The following NRG3 variants were observed in gnomAD, a reference collection of about 807,000 sequenced individuals.
The protein encoded by NRG3 is pro-neuregulin-3, membrane-bound isoform.
A neutral mutation model predicts 66.9 loss-of-function variants in NRG3; 31 were observed. The ratio of observed to expected loss-of-function variants is 0.46; its 90% CI spans 0.35 to 0.63. The LOEUF is 0.63. Ranked by LOEUF, NRG3 falls within the 20% of genes least tolerant of loss-of-function variation. The probability of loss-of-function intolerance (pLI) is 0.00; values close to 1 mark genes in which losing one functional copy is unlikely to be tolerated. For synonymous variants in NRG3, 393 were observed against 359.4 expected (o/e 1.09, Z -1.06); for missense variants, 910 against 878.9 (o/e 1.04, Z -0.45).
At chr10:82,746,291 T>A (rs2058641648) in intron 3 of NRG3, among the ~76,000 whole-genome samples, 2 of 152,184 alleles carry the variant, frequency 1.3e-5, no homozygotes, top group Non-Finnish European at 2.9e-5. Flanking sequence ...TGGGTCTGTC[T>A]GCCCAGCTTG....
At chr10:82,374,453 G>A (rs2085082816) in intron 2 of NRG3, among the ~76,000 whole-genome samples, 1 of 152,172 alleles carries the variant, frequency 6.6e-6, no homozygotes, top group African/African-American at 2.4e-5. Flanking sequence ...TATAAATATA[G>A]ATTCTCAAGA....
chr10:82,408,633 T>TTA (rs147352245), intron 2 of NRG3, among the ~76,000 whole-genome samples: 1,929 of 122,794 alleles, frequency 0.016, 14 homozygotes, highest in Non-Finnish European at 0.019. Flanking sequence ...CATATATATA[T>TTA]TATATATATA....
intron 2 of NRG3, among the ~76,000 whole-genome samples, chr10:82,517,695 G>T (rs1384048762): frequency 1.4e-5 from 2 of 144,484 alleles, no homozygotes. Flanking sequence ...GTGTGTGTGT[G>T]TCTGTATGTT....
chr10:82,407,170 C>T (rs1380042764), intron 2 of NRG3, among the ~76,000 whole-genome samples: 1 of 150,516 alleles, frequency 6.6e-6, no homozygotes, highest in Non-Finnish European at 1.5e-5. Flanking sequence ...GGAGAGCAGA[C>T]CTAATAGAGA....
At chr10:82,616,308 A>C (rs759128683) in intron 2 of NRG3, among the ~76,000 whole-genome samples, 58 of 152,194 alleles carry the variant, frequency 3.8e-4, no homozygotes, top group Non-Finnish European at 7.5e-4. Flanking sequence ...AAAAACAAGC[A>C]CCAATATTTC....
At chr10:82,769,421 T>A (rs2059632348) in intron 3 of NRG3, among the ~76,000 whole-genome samples, 2 of 152,122 alleles carry the variant, frequency 1.3e-5, no homozygotes, top group Admixed American at 1.3e-4. Flanking sequence ...GATTCTGGGC[T>A]GAATTATGAC....
intron 2 of NRG3, among the ~76,000 whole-genome samples, chr10:82,620,844 C>A (rs781024531): frequency 2.6e-5 from 4 of 151,866 alleles, no homozygotes; most frequent in African/African-American, 9.7e-5. Context: ...ATCCTATTCA[C>A]CTCTGCCTTA....
At chr10:82,257,115 AC>A (rs2077771977) in intron 1 of NRG3, among the ~76,000 whole-genome samples, 1 of 152,132 alleles carries the variant, frequency 6.6e-6, no homozygotes, top group Non-Finnish European at 1.5e-5. Context: ...AGGAGCTAGA[AC>A]CCTGGAATGT....
At chr10:82,425,284 A>G (rs1158367186) in intron 2 of NRG3, among the ~76,000 whole-genome samples, 2 of 152,114 alleles carry the variant, frequency 1.3e-5, no homozygotes, top group African/African-American at 2.4e-5. Flanking sequence ...ATTGGGTCTC[A>G]TTTCAAATAT....
At chr10:82,784,452 C>T (rs1158182415) in intron 3 of NRG3, among the ~76,000 whole-genome samples, 2 of 152,054 alleles carry the variant, frequency 1.3e-5, no homozygotes, top group African/African-American at 2.4e-5. Flanking sequence ...TTTTTGCAAC[C>T]TACTCATCTG....
At chr10:82,185,148 G>C (rs566256782) in intron 1 of NRG3, among the ~76,000 whole-genome samples, 1 of 152,194 alleles carries the variant, frequency 6.6e-6, no homozygotes, top group Admixed American at 6.5e-5. Flanking sequence ...ACCAGTCCTG[G>C]CCAAGACTCT....
intron 1 of NRG3, among the ~76,000 whole-genome samples, chr10:81,986,438 A>T (rs2060521715): frequency 6.6e-6 from 1 of 152,198 alleles, no homozygotes; most frequent in South Asian, 2.1e-4. Flanking sequence ...TTTCAGGCAA[A>T]AGTTTAAAAT....
At chr10:82,328,227 A>G (rs2081969858) in intron 1 of NRG3, among the ~76,000 whole-genome samples, 1 of 152,206 alleles carries the variant, frequency 6.6e-6, no homozygotes, top group African/African-American at 2.4e-5. Flanking sequence ...TAGAAGGAGA[A>G]GGGCCAGTAT....
chr10:81,981,582 G>C (rs113775535), intron 1 of NRG3, among the ~76,000 whole-genome samples: 1 of 152,102 alleles, frequency 6.6e-6, no homozygotes, highest in African/African-American at 2.4e-5. Context: ...TGGCAGCCTG[G>C]TCCACTGAAG....
intron 1 of NRG3, among the ~76,000 whole-genome samples, chr10:82,326,085 G>C (rs540188920): frequency 6.6e-6 from 1 of 152,204 alleles, no homozygotes; most frequent in South Asian, 2.1e-4. Context: ...GTTACTGCTG[G>C]ATTTTCTCAG....
At position 81,875,399 on chromosome 10, in the gene NRG3, C is replaced by A; in HGVS notation, c.59C>A (p.Ser20Ter). The A allele has an allele frequency of 9.9e-7, 1 of 1,005,076 alleles. No individual in the cohort carries two copies. The highest frequency in any genetic ancestry group is 1.2e-6 in the Non-Finnish European group (1 of 844,992). 62.3% of individuals were successfully genotyped at this position (1,005,076 alleles called of 1,614,324 possible). ...PPGAASAAAA[S>*]AEEGTAAAAA... ...GGTGCCGCTTCGGCAGCCGCCGCCT[C>A]GGCCGAGGAGGGCACCGCGGCGGCT... Residue 20 changes from serine (S) to a stop codon, truncating the protein, a stop_gained, in exon 1 of 9, where the codon TCG becomes TAG. Coordinates refer to ENST00000372141, the MANE Select transcript of NRG3 (RefSeq NM_001010848.4). LOFTEE classifies it high-confidence loss of function. This position sits in a 1 kb window ranked among gnomAD's most constrained non-coding sequence, Gnocchi z 5.3.
chr10:81,938,643 A>ATGTGTGTGTGTGTG (rs1564674211), intron 1 of NRG3, among the ~76,000 whole-genome samples: 1,465 of 145,734 alleles, frequency 0.01, 27 homozygotes, highest in African/African-American at 0.036. Flanking sequence ...GTGTGTGTGC[A>ATGTGTGTGTGTGTG]TGCATGCATG....
At chr10:82,810,877 T>C (rs900576377) in intron 3 of NRG3, among the ~76,000 whole-genome samples, 1 of 151,858 alleles carries the variant, frequency 6.6e-6, no homozygotes, top group Non-Finnish European at 1.5e-5. Context: ...AAAAACAGGA[T>C]TTGTTATCTA....
intron 1 of NRG3, among the ~76,000 whole-genome samples, chr10:82,346,912 T>A (rs1184465125): frequency 1.3e-5 from 2 of 151,984 alleles, no homozygotes; most frequent in Non-Finnish European, 1.5e-5. Flanking sequence ...GGTGGTGATA[T>A]CCCCTTTATC....
Sources: allele counts gnomAD v4.1 joint callset (sites outside exome capture counted in the v4.1 genomes callset), GRCh38; gene constraint gnomAD v4.1.1; non-coding constraint Gnocchi (gnomAD v3.1); transcripts MANE v1.5; gene names NCBI Gene and HGNC (gene_info 2026-07-23, HGNC 2026-07-21).